The following TENM2 variants were observed in gnomAD, a reference collection of about 807,000 sequenced individuals.
TENM2 encodes the protein teneurin transmembrane protein 2.
In TENM2, 52 loss-of-function variants were observed where a neutral mutation model predicts 245.2. The ratio of observed to expected loss-of-function variants is 0.21; its 90% CI spans 0.17 to 0.27. The LOEUF is 0.27. TENM2 is among the 10% of genes least tolerant of loss of function. The probability of loss-of-function intolerance (pLI) is 1.00; values close to 1 mark genes in which losing one functional copy is unlikely to be tolerated. For synonymous variants in TENM2, 1,363 were observed against 1,438.9 expected, an observed-to-expected ratio of 0.95 and a Z score of 1.19; for missense variants, 3,046 against 3,666.8, an observed-to-expected ratio of 0.83 and a Z score of 4.37.
the TENM2 span, among the ~76,000 whole-genome samples, chr5:167,046,883 G>A: frequency 1.3e-5 from 2 of 151,162 alleles, no homozygotes; most frequent in Non-Finnish European, 2.9e-5. Flanking sequence ...AGGCCCTGGT[G>A]TGTGATGTTC....
At chr5:167,546,879 T>C (rs989736719) in intron 2 of TENM2, among the ~76,000 whole-genome samples, 6 of 152,180 alleles carry the variant, frequency 3.9e-5, no homozygotes, top group Admixed American at 1.3e-4. Flanking sequence ...TTCCCCATAA[T>C]TGACACCTCA....
chr5:167,975,925 G>A (rs1782407601), intron 4 of TENM2, among the ~76,000 whole-genome samples: 1 of 151,694 alleles, frequency 6.6e-6, no homozygotes, highest in African/African-American at 2.4e-5. Flanking sequence ...TAAGCAAAAA[G>A]GAGTGGCAGC....
chr5:167,560,864 G>C (rs533652802), intron 2 of TENM2, among the ~76,000 whole-genome samples: 3 of 152,196 alleles, frequency 2.0e-5, no homozygotes, highest in African/African-American at 7.2e-5. Flanking sequence ...TCCTCCCCAG[G>C]GGACAGTTGG....
intron 3 of TENM2, among the ~76,000 whole-genome samples, chr5:167,921,365 C>G (rs754842830): frequency 6.6e-6 from 1 of 152,182 alleles, no homozygotes; most frequent in Non-Finnish European, 1.5e-5. Flanking sequence ...GCTGATCTTC[C>G]GTTGGCCTCA....
At chr5:168,209,090 G>T (rs1279208752) in intron 19 of TENM2, among the ~76,000 whole-genome samples, 1 of 152,136 alleles carries the variant, frequency 6.6e-6, no homozygotes, top group Non-Finnish European at 1.5e-5. Flanking sequence ...AGAACAGAGG[G>T]ATTTTCAGTC....
chr5:167,439,123 A>G (rs754004986), intron 2 of TENM2, among the ~76,000 whole-genome samples: 4 of 152,148 alleles, frequency 2.6e-5, no homozygotes, highest in Non-Finnish European at 5.9e-5. Context: ...GCCATGTGAG[A>G]GAGTTGGTAT....
chr5:168,094,664 A>G (rs1045286900), intron 8 of TENM2, among the ~76,000 whole-genome samples: 3 of 151,640 alleles, frequency 2.0e-5, no homozygotes, highest in African/African-American at 4.8e-5. Flanking sequence ...AGATGATCCC[A>G]TCTGGGGGTC....
At chr5:167,299,621 T>C (rs1755186276) in intron 1 of TENM2, among the ~76,000 whole-genome samples, 1 of 152,176 alleles carries the variant, frequency 6.6e-6, no homozygotes, top group Non-Finnish European at 1.5e-5. Context: ...GCCTGTACTA[T>C]AGCATAGCCT....
chr5:167,410,085 C>A (rs563647232), intron 2 of TENM2, among the ~76,000 whole-genome samples: 1 of 151,936 alleles, frequency 6.6e-6, no homozygotes, highest in African/African-American at 2.4e-5. Flanking sequence ...AAACTTCTTA[C>A]CTGTCCAGTA....
intron 2 of TENM2, among the ~76,000 whole-genome samples, chr5:167,678,191 T>A (rs1346678278): frequency 6.6e-6 from 1 of 152,134 alleles, no homozygotes; most frequent in Non-Finnish European, 1.5e-5. Context: ...ACAGGTGATT[T>A]TTCTATTTAT....
chr5:167,685,765 G>A (rs559474012), intron 2 of TENM2, among the ~76,000 whole-genome samples: 1 of 152,308 alleles, frequency 6.6e-6, no homozygotes, highest in South Asian at 2.1e-4. Context: ...AACACACTGT[G>A]TTCCTGTTGC....
chr5:168,042,684 C>T (rs1217559722), intron 5 of TENM2, among the ~76,000 whole-genome samples: 1 of 152,178 alleles, frequency 6.6e-6, no homozygotes, highest in Non-Finnish European at 1.5e-5. Context: ...CACAAAAACA[C>T]AGCAACTTCA....
intron 2 of TENM2, among the ~76,000 whole-genome samples, chr5:167,385,856 ATGTGTG>A (rs60407919): frequency 0.17 from 24,118 of 138,964 alleles, 2,040 homozygotes; most frequent in Non-Finnish European, 0.18. Flanking sequence ...TTATATATAT[ATGTGTG>A]TGTGTGTGTG....
chr5:167,852,816 C>G (rs201520189), intron 2 of TENM2, among the ~76,000 whole-genome samples: 17 of 152,218 alleles, frequency 1.1e-4, no homozygotes, highest in East Asian at 9.6e-4. Flanking sequence ...TACAGCCATC[C>G]TAATGTGAGT....
chr5:167,575,679 C>G (rs1156815280), intron 2 of TENM2, among the ~76,000 whole-genome samples: 1 of 152,096 alleles, frequency 6.6e-6, no homozygotes, highest in Non-Finnish European at 1.5e-5. Flanking sequence ...GCCCCTGATA[C>G]AGGTTGGGGA....
chr5:167,741,138 A>G (rs1761149795), intron 2 of TENM2, among the ~76,000 whole-genome samples: 1 of 152,168 alleles, frequency 6.6e-6, no homozygotes, highest in African/African-American at 2.4e-5. Context: ...CCTGAAGTTA[A>G]GTGATTTTGC....
Position 167,902,590 on chromosome 5 carries a change from C to A in TENM2, c.712+26395C>A, listed in dbSNP as rs539654450. On this transcript the variant is annotated intron_variant, in intron 3 of 28. Transcript: ENST00000518659. ...TGGAGTTACCTCCTCAGGAGGAAAA[C>A]TGATAAGACGGTTGTAAAACTCCTG... 2.9e-4 allele frequency among the ~76,000 whole-genome samples: 44 copies of A among 152,256 alleles called. 2 individuals carry two copies. In the South Asian group the frequency reaches 9.2e-3, roughly 32 times the overall value.
intron 5 of TENM2, among the ~76,000 whole-genome samples, chr5:168,025,413 G>T (rs1786518146): frequency 6.6e-6 from 1 of 152,220 alleles, no homozygotes; most frequent in South Asian, 2.1e-4. Flanking sequence ...GGTTTGGAAA[G>T]TAGAATCTTT....
chr5:167,395,904 G>C (rs1054428303), intron 2 of TENM2, among the ~76,000 whole-genome samples: 2 of 152,022 alleles, frequency 1.3e-5, no homozygotes, highest in African/African-American at 2.4e-5. Context: ...ACTACAATGA[G>C]ATACCATCTC....
Sources: allele counts gnomAD v4.1 joint callset (sites outside exome capture counted in the v4.1 genomes callset), GRCh38; gene constraint gnomAD v4.1.1; transcripts MANE v1.5; gene names NCBI Gene and HGNC (gene_info 2026-07-23, HGNC 2026-07-21).